The following FGF14 variants were observed in gnomAD, a reference collection of about 807,000 sequenced individuals.
FGF14 encodes fibroblast growth factor homologous factor 4.
Under a neutral mutation model 25.5 loss-of-function variants are expected in FGF14, and 5 were observed. The observed-to-expected ratio is 0.20, with a 90% CI of 0.10 to 0.41. FGF14 has a LOEUF of 0.41. Among genes scored for constraint, FGF14 ranks in the 10% least tolerant of loss-of-function variants. The pLI, the probability that FGF14 is intolerant of heterozygous loss-of-function variation, is 1.00. For missense variants in FGF14, 222 were observed against 320.1 expected (o/e 0.69, Z 2.34); for synonymous variants, 138 against 118.3 (o/e 1.17, Z -1.08).
At chr13:101,760,610 TG>T (rs1204953411) in intron 3 of FGF14, among the ~76,000 whole-genome samples, 1 of 152,216 alleles carries the variant, frequency 6.6e-6, no homozygotes, top group Non-Finnish European at 1.5e-5. Flanking sequence ...TGTGATACTC[TG>T]AAATTGCCTT....
chr13:102,317,813 C>T (rs1008212609), intron 1 of FGF14, among the ~76,000 whole-genome samples: 1 of 152,100 alleles, frequency 6.6e-6, no homozygotes, highest in African/African-American at 2.4e-5. Flanking sequence ...GTCCCCCTCC[C>T]ACACACTGGG....
intron 1 of FGF14, among the ~76,000 whole-genome samples, chr13:102,058,059 T>C (rs1237745788): frequency 6.6e-6 from 1 of 152,174 alleles, no homozygotes; most frequent in Non-Finnish European, 1.5e-5. Context: ...CTGAAACCTG[T>C]GAAGCTTTTA....
At chr13:101,818,062 G>A (rs1289639958) in intron 3 of FGF14, among the ~76,000 whole-genome samples, 1 of 152,146 alleles carries the variant, frequency 6.6e-6, no homozygotes, top group Non-Finnish European at 1.5e-5. Context: ...AAGACTCTTG[G>A]AAGGTCAAGG....
At chr13:102,166,950 G>C (rs1461426599) in intron 1 of FGF14, among the ~76,000 whole-genome samples, 1 of 151,980 alleles carries the variant, frequency 6.6e-6, no homozygotes, top group Non-Finnish European at 1.5e-5. Flanking sequence ...TGGCTGTTTG[G>C]GGAAGAGGTA....
intron 1 of FGF14, among the ~76,000 whole-genome samples, chr13:102,019,266 C>A (rs990592609): frequency 6.6e-6 from 1 of 152,070 alleles, no homozygotes; most frequent in Non-Finnish European, 1.5e-5. Flanking sequence ...GCCCTATCAG[C>A]CAGTAGGGTT....
intron 1 of FGF14, among the ~76,000 whole-genome samples, chr13:102,053,670 GT>G: frequency 6.6e-6 from 1 of 152,062 alleles, no homozygotes; most frequent in African/African-American, 2.4e-5. Context: ...CTTTATAAAT[GT>G]TTAAGTCTCA....
chr13:102,101,698 T>C (rs1166783474), intron 1 of FGF14, among the ~76,000 whole-genome samples: 1 of 151,426 alleles, frequency 6.6e-6, no homozygotes, highest in Admixed American at 6.6e-5. Context: ...TTCTATCAGT[T>C]CCCCCCAACT....
intron 3 of FGF14, among the ~76,000 whole-genome samples, chr13:101,749,217 GGA>G (rs1352657205): frequency 3.3e-5 from 5 of 151,990 alleles, no homozygotes; most frequent in Non-Finnish European, 7.4e-5. Context: ...TGAGATTTCT[GGA>G]GATCTGATGG....
At position 102,234,285 on chromosome 13, in the gene FGF14, T is replaced by C. The variant is rs1176798044; in HGVS notation, c.208+167186A>G. ...TTAAATGTGAAGGTACTTAATACCA[T>C]GGAAATATACACTTAAATGTGAAGG... On this transcript the variant is annotated intron_variant, in intron 1 of 4. Coordinates refer to the FGF14 transcript ENST00000376131. Among the ~76,000 whole-genome samples, 8 of 136,660 alleles carry C rather than the reference T, an allele frequency of 5.9e-5. 1 individual carries two copies. The highest frequency in any genetic ancestry group is 1.2e-4 in the Non-Finnish European group (8 of 64,424). 89.7% of individuals were successfully genotyped at this position (136,660 alleles called of 152,430 possible).
intron 1 of FGF14, among the ~76,000 whole-genome samples, chr13:102,281,658 T>C (rs2053837804): frequency 6.6e-6 from 1 of 152,060 alleles, no homozygotes; most frequent in Admixed American, 6.5e-5. Flanking sequence ...CTGTTTATCT[T>C]ACGTATTCCA....
intron 1 of FGF14, chr13:102,292,633 A>C (rs189457417): frequency 1.3e-5 from 2 of 152,324 alleles, no homozygotes; most frequent in East Asian, 3.9e-4. Context: ...AAAACGTTAT[A>C]TATCAAACAA....
At chr13:102,308,126 A>G (rs1384042556) in intron 1 of FGF14, among the ~76,000 whole-genome samples, 1 of 152,092 alleles carries the variant, frequency 6.6e-6, no homozygotes, top group East Asian at 1.9e-4. Context: ...TTCCCTAAGA[A>G]CCTTCAGAAG....
At chr13:102,065,326 C>T (rs1202327766) in intron 1 of FGF14, among the ~76,000 whole-genome samples, 1 of 152,042 alleles carries the variant, frequency 6.6e-6, no homozygotes, top group Non-Finnish European at 1.5e-5. Context: ...CCTAGGAGCT[C>T]AATCAAATGG....
chr13:102,118,276 T>G (rs1313148254), intron 1 of FGF14, among the ~76,000 whole-genome samples: 1 of 151,992 alleles, frequency 6.6e-6, no homozygotes, highest in South Asian at 2.1e-4. Flanking sequence ...AATAAATATA[T>G]TGTTATTAGG....
chr13:102,126,396 A>G (rs1345871864), intron 1 of FGF14, among the ~76,000 whole-genome samples: 1 of 152,196 alleles, frequency 6.6e-6, no homozygotes, highest in African/African-American at 2.4e-5. Flanking sequence ...AACTTCACTC[A>G]TGCATCAGAA....
intron 1 of FGF14, among the ~76,000 whole-genome samples, chr13:102,137,801 T>G (rs2046475884): frequency 6.6e-6 from 1 of 151,818 alleles, no homozygotes; most frequent in South Asian, 2.1e-4. Flanking sequence ...GATCACATCC[T>G]TCAAGTGGGT....
intron 1 of FGF14, among the ~76,000 whole-genome samples, chr13:102,189,241 G>A (rs1673431): frequency 0.037 from 5,637 of 152,144 alleles, 339 homozygotes; most frequent in African/African-American, 0.13. Context: ...GTTGGTTTTA[G>A]TCAAATTGAA....
intron 1 of FGF14, among the ~76,000 whole-genome samples, chr13:102,069,683 G>A (rs958936339): frequency 4.6e-5 from 7 of 152,032 alleles, no homozygotes; most frequent in Admixed American, 1.3e-4. Context: ...GCGAGACCAC[G>A]AACCCACCAG....
intron 3 of FGF14, among the ~76,000 whole-genome samples, chr13:101,817,495 T>G (rs2041901711): frequency 6.6e-6 from 1 of 152,224 alleles, no homozygotes; most frequent in Non-Finnish European, 1.5e-5. Context: ...ATTGCATTTT[T>G]TCCTTTCTGT....
Sources: allele counts gnomAD v4.1 joint callset (sites outside exome capture counted in the v4.1 genomes callset), GRCh38; gene constraint gnomAD v4.1.1; transcripts MANE v1.5; gene names NCBI Gene and HGNC (gene_info 2026-07-23, HGNC 2026-07-21).